Variants in ANKS1B observed in about 807,000 individuals in gnomAD.
ANKS1B encodes the protein ankyrin repeat and sterile alpha motif domain-containing protein 1B.
In ANKS1B, 36 loss-of-function variants were observed where a neutral mutation model predicts 148.3. That is an observed-to-expected ratio of 0.24 (90% CI 0.19 to 0.32). The LOEUF is 0.32. Ranked by LOEUF, ANKS1B falls within the 10% of genes least tolerant of loss-of-function variation. The pLI, the probability that ANKS1B is intolerant of heterozygous loss-of-function variation, is 1.00. For synonymous variants in ANKS1B, 542 were observed against 560.8 expected (o/e 0.97, Z 0.47); for missense variants, 1,157 against 1,542.6 (o/e 0.75, Z 4.19).
At chr12:99,128,515 A>G (rs982193153) in intron 15 of ANKS1B, among the ~76,000 whole-genome samples, 1 of 152,134 alleles carries the variant, frequency 6.6e-6, no homozygotes, top group African/African-American at 2.4e-5. Context: ...CATAGAATTG[A>G]GGTGGAGCCC....
intron 12 of ANKS1B, among the ~76,000 whole-genome samples, chr12:99,371,869 T>C (rs2093154717): frequency 6.6e-6 from 1 of 152,172 alleles, no homozygotes; most frequent in African/African-American, 2.4e-5. Context: ...CCTGTACTAA[T>C]AATAATGCTT....
chr12:99,253,585 G>T (rs2074909829), intron 12 of ANKS1B, among the ~76,000 whole-genome samples: 1 of 151,866 alleles, frequency 6.6e-6, no homozygotes, highest in Non-Finnish European at 1.5e-5. Context: ...GCAATTTTAG[G>T]AATAAAATAA....
At chr12:99,761,083 A>C (rs79302152) in intron 8 of ANKS1B, among the ~76,000 whole-genome samples, 1 of 149,568 alleles carries the variant, frequency 6.7e-6, no homozygotes, top group Non-Finnish European at 1.5e-5. Context: ...AAAAAAAAAA[A>C]CCCTGGACCA....
At chr12:99,239,757 G>A (rs180848556) in intron 14 of ANKS1B, among the ~76,000 whole-genome samples, 196 of 152,246 alleles carry the variant, frequency 1.3e-3, no homozygotes, top group African/African-American at 4.2e-3. Flanking sequence ...AGTGGGGGCC[G>A]ATATTCAACA....
intron 17 of ANKS1B, among the ~76,000 whole-genome samples, chr12:98,897,985 T>G (rs916198612): frequency 6.6e-6 from 1 of 152,190 alleles, no homozygotes; most frequent in East Asian, 1.9e-4. Context: ...TGTTCTCATT[T>G]ACAAGTGGGA....
rs189398334 is a variant in ANKS1B at position 99,725,366 on chromosome 12, T to C, written c.1128+47556A>G. On this transcript the variant is annotated intron_variant, in intron 8 of 26. Transcript: ENST00000683438. Reference sequence around the variant, plus strand: ...AAGCAGGGGTTGCAATCCTAGTCTCTGACAAAACAGACTTTAAACCAACAA... The same window carrying C: ...AAGCAGGGGTTGCAATCCTAGTCTCCGACAAAACAGACTTTAAACCAACAA... 2.6e-5 allele frequency among the ~76,000 whole-genome samples: 4 copies of C among 152,254 alleles called. No homozygotes were observed. In the East Asian group the frequency reaches 7.7e-4, roughly 29 times the overall value.
At chr12:98,885,802 C>T (rs1311390762) in intron 17 of ANKS1B, among the ~76,000 whole-genome samples, 2 of 152,166 alleles carry the variant, frequency 1.3e-5, no homozygotes, top group Non-Finnish European at 2.9e-5. Flanking sequence ...GTCTACCTCC[C>T]TCTGCAATTT....
chr12:99,603,386 A>C (rs1295905755), intron 9 of ANKS1B, among the ~76,000 whole-genome samples: 1 of 152,086 alleles, frequency 6.6e-6, no homozygotes, highest in Non-Finnish European at 1.5e-5. Context: ...GGCTGTCAGA[A>C]AGTGACATTC....
intron 17 of ANKS1B, among the ~76,000 whole-genome samples, chr12:98,952,922 G>A (rs1039054332): frequency 2.0e-5 from 3 of 151,926 alleles, no homozygotes; most frequent in African/African-American, 4.8e-5. Flanking sequence ...GAAGTGGTGC[G>A]ATCATGGCTC....
chr12:98,994,686 C>A (rs923054187), intron 17 of ANKS1B, among the ~76,000 whole-genome samples: 4 of 152,314 alleles, frequency 2.6e-5, no homozygotes, highest in Admixed American at 1.3e-4. Flanking sequence ...GCAGGGCTGA[C>A]TGCTTCTAAA....
intron 10 of ANKS1B, among the ~76,000 whole-genome samples, chr12:99,482,440 A>G (rs2096426602): frequency 6.6e-6 from 1 of 152,062 alleles, no homozygotes; most frequent in African/African-American, 2.4e-5. Context: ...GCATTGCAGT[A>G]TAATTTGAAG....
intron 1 of ANKS1B, among the ~76,000 whole-genome samples, chr12:99,874,396 T>G (rs2091869281): frequency 6.6e-6 from 1 of 152,258 alleles, no homozygotes. Flanking sequence ...GTGAATTGTT[T>G]TGGGGGGCCT....
At chr12:99,637,917 C>A (rs1404607413) in intron 9 of ANKS1B, among the ~76,000 whole-genome samples, 3 of 151,684 alleles carry the variant, frequency 2.0e-5, no homozygotes, top group Non-Finnish European at 4.4e-5. Context: ...CTCTAGACAA[C>A]CCTAATACAC....
intron 1 of ANKS1B, among the ~76,000 whole-genome samples, chr12:99,898,069 A>G (rs1780105801): frequency 6.6e-6 from 1 of 152,212 alleles, no homozygotes; most frequent in African/African-American, 2.4e-5. Flanking sequence ...CTCTTAGCAC[A>G]GTATCTGGCC....
intron 17 of ANKS1B, among the ~76,000 whole-genome samples, chr12:98,960,768 A>T (rs1357078597): frequency 6.6e-6 from 1 of 152,222 alleles, no homozygotes; most frequent in Non-Finnish European, 1.5e-5. Flanking sequence ...TAACATAGAG[A>T]AGGAATTCAG....
intron 8 of ANKS1B, among the ~76,000 whole-genome samples, chr12:99,715,476 C>T (rs956903844): frequency 6.6e-5 from 10 of 152,268 alleles, no homozygotes; most frequent in African/African-American, 2.4e-4. Flanking sequence ...CGGCCCCACC[C>T]CTATCTCCCT....
At chr12:99,137,719 C>T (rs2153785433) in intron 15 of ANKS1B, among the ~76,000 whole-genome samples, 1 of 152,220 alleles carries the variant, frequency 6.6e-6, no homozygotes, top group African/African-American at 2.4e-5. Context: ...ACTAACTGGG[C>T]TCAACTACTG....
Position 99,903,305 on chromosome 12 carries a change from T to A in ANKS1B, c.135-77916A>T, listed in dbSNP as rs554491988. On this transcript the variant is annotated intron_variant, in intron 1 of 26. Transcript: ENST00000683438. ...ATCACACTCTCTTAGCTGTGGTGAT[T>A]GGTCCATCACTCAAGCCACACCAAC... is the stretch of plus-strand genomic sequence containing the variant. Among the ~76,000 whole-genome samples, 28 of 152,310 alleles carry A rather than the reference T, an allele frequency of 1.8e-4. 1 individual carries two copies. In the South Asian group the frequency reaches 5.8e-3, roughly 32 times the overall value.
At chr12:99,844,518 T>C (rs1373765039) in intron 1 of ANKS1B, among the ~76,000 whole-genome samples, 2 of 152,192 alleles carry the variant, frequency 1.3e-5, no homozygotes, top group African/African-American at 2.4e-5. Context: ...ATTGCTTTTG[T>C]CAAGTCTGTC....
Sources: gnomAD v4.1 joint callset for allele counts (sites outside exome capture counted in the v4.1 genomes callset) on GRCh38, gnomAD v4.1.1 for gene constraint, MANE v1.5 for transcripts, NCBI Gene and HGNC (gene_info 2026-07-23, HGNC 2026-07-21) for gene names.